SLC24A4: variants seen among roughly 807,000 people sequenced by gnomAD.
The protein encoded by SLC24A4 is solute carrier family 24 member 4, also known as sodium/potassium/calcium exchanger 4.
A neutral mutation model predicts 79.0 loss-of-function variants in SLC24A4; 53 were observed. The ratio of observed to expected loss-of-function variants is 0.67; its 90% confidence interval spans 0.54 to 0.84. The LOEUF is 0.84. SLC24A4 is among the 40% of genes least tolerant of loss of function. SLC24A4 has a pLI of 0.00. For missense variants in SLC24A4, 731 were observed against 822.0 expected (o/e 0.89, Z 1.35); for synonymous variants, 323 against 323.8 (o/e 1.00, Z 0.03).
At chr14:92,348,664 T>TC (rs1186378501) in intron 2 of SLC24A4, among the ~76,000 whole-genome samples, 1 of 152,150 alleles carries the variant, frequency 6.6e-6, no homozygotes, top group Non-Finnish European at 1.5e-5. Context: ...ATTTTTTTTT[T>TC]CTAAGATTCA....
chr14:92,461,589 CTCT>C (rs1764076934), intron 12 of SLC24A4, among the ~76,000 whole-genome samples: 1 of 152,068 alleles, frequency 6.6e-6, no homozygotes, highest in South Asian at 2.1e-4. Flanking sequence ...CTTTCTCTTC[CTCT>C]TCTTCTGAGG....
chr14:92,374,240 G>A (rs1888371316), intron 2 of SLC24A4, among the ~76,000 whole-genome samples: 1 of 152,174 alleles, frequency 6.6e-6, no homozygotes, highest in Non-Finnish European at 1.5e-5. Context: ...TCCTGAGGTA[G>A]GCCCCCATGG....
rs993239406 is a variant in SLC24A4, at chr14:92,499,269, A to G, written c.*5641A>G. ...CCTGCTTCTAAACAGGGCTGACAGT[A>G]TACTCTCGTCTAGTCTAGGAACATG... On this transcript the variant is annotated 3_prime_UTR_variant, in exon 17 of 17. Coordinates refer to ENST00000532405, the MANE Select transcript of SLC24A4 (RefSeq NM_153646.4). The G allele has an allele frequency of 1.3e-5, 2 of 152,208 alleles. No individual in the cohort carries two copies. Among genetic ancestry groups the G allele is most frequent in the Non-Finnish European group, 2.9e-5 (2 of 68,054 alleles). 9.4% of individuals were successfully genotyped at this position (152,208 alleles called of 1,614,324 possible).
In SLC24A4 at chr14:92,342,157, G is replaced by A. The variant is rs572497657; in HGVS notation, c.241+16179G>A. Among the ~76,000 whole-genome samples, 39 of 152,082 alleles carry A rather than the reference G, an allele frequency of 2.6e-4. No homozygotes were observed. The South Asian group carries it at 7.5e-3, about 29-fold the overall frequency. ...CGAGAATCACACAATGAAGTCAGAG[G>A]GGTCTCAGAAGGGATCCAAGAGATC... On this transcript the variant is annotated intron_variant, in intron 2 of 16. Transcript: ENST00000532405.
Position 92,472,338 on chromosome 14 carries a change from G to C in SLC24A4, c.1256-10342G>C, listed in dbSNP as rs543027407. 7.2e-5 allele frequency among the ~76,000 whole-genome samples: 11 copies of C among 152,014 alleles called. No homozygotes were observed. The East Asian group carries it at 1.9e-3, about 27-fold the overall frequency. ...TTTAGTGGTGATTTGTGAGATTTTCGTGCACGCATCACCCAAGCAGTACAT... is the reference window on the plus strand; with the variant it reads ...TTTAGTGGTGATTTGTGAGATTTTCCTGCACGCATCACCCAAGCAGTACAT... On this transcript the variant is annotated intron_variant, in intron 12 of 16. Coordinates refer to ENST00000532405, the MANE Select transcript of SLC24A4 (RefSeq NM_153646.4).
rs1203130535 is a variant in SLC24A4 at position 92,491,769 on chromosome 14, G to C, written c.1642G>C (p.Gly548Arg). ...CCTGCAGACCATGGTTGTTAATTAT[G>C]GATCAACAGTAAGTTCCTCTCACCT... ...WGLQTMVVNY[G>R]STVKINSRGL... is the part of the protein sequence containing the mutation. Residue 548 changes from glycine to arginine, a missense_variant, in exon 15 of 17, where the codon GGA (glycine) becomes CGA (arginine). Physicochemically the swap from Gly to Arg is moderately radical, Grantham distance 125. Transcript: ENST00000532405. 1 of 1,610,680 alleles carries C rather than the reference G, an allele frequency of 6.2e-7. No individual in the cohort carries two copies. The highest frequency in any genetic ancestry group is 1.1e-5 in the South Asian group (1 of 91,010).
chr14:92,399,342 A>G (rs948928795), intron 2 of SLC24A4, among the ~76,000 whole-genome samples: 7 of 152,180 alleles, frequency 4.6e-5, no homozygotes, highest in Non-Finnish European at 8.8e-5. Context: ...ATGCATGGAA[A>G]CAGTTCAGAT....
intron 2 of SLC24A4, among the ~76,000 whole-genome samples, chr14:92,406,279 G>T (rs1195443768): frequency 2.0e-5 from 3 of 152,232 alleles, no homozygotes. Flanking sequence ...AGCCCCTGTG[G>T]CAGTTTTCAC....
chr14:92,478,008 C>T (rs935029276), intron 12 of SLC24A4, among the ~76,000 whole-genome samples: 3 of 150,660 alleles, frequency 2.0e-5, no homozygotes, highest in African/African-American at 7.3e-5. Context: ...GGTTTCACCA[C>T]GTTGGCCAGG....
intron 12 of SLC24A4, among the ~76,000 whole-genome samples, chr14:92,465,309 A>G (rs1271931483): frequency 6.6e-6 from 1 of 152,210 alleles, no homozygotes; most frequent in East Asian, 1.9e-4. Context: ...CTAGTGCCAC[A>G]CCATCAAGAG....
intron 2 of SLC24A4, among the ~76,000 whole-genome samples, chr14:92,419,539 G>T (rs112250690): frequency 9.3e-4 from 141 of 152,344 alleles, no homozygotes; most frequent in African/African-American, 3.2e-3. Flanking sequence ...TGGCTAATTG[G>T]TGTTCATTTT....
chr14:92,419,313 C>T (rs114844163), intron 2 of SLC24A4, among the ~76,000 whole-genome samples: 3,055 of 152,252 alleles, frequency 0.02, 97 homozygotes, highest in African/African-American at 0.069. Flanking sequence ...CAGTTAGTGG[C>T]AAGCAGCAAC....
chr14:92,455,955 C>A (rs922123351), intron 11 of SLC24A4, among the ~76,000 whole-genome samples: 3 of 152,216 alleles, frequency 2.0e-5, no homozygotes, highest in African/African-American at 7.2e-5. Flanking sequence ...CCCACCTCGG[C>A]CTCCCAAAGT....
intron 2 of SLC24A4, among the ~76,000 whole-genome samples, chr14:92,337,155 G>A (rs912804860): frequency 2.0e-5 from 3 of 152,082 alleles, no homozygotes; most frequent in African/African-American, 7.2e-5. Context: ...AGCTACCTGT[G>A]CTGGCCCAGG....
rs747613285 is a variant in SLC24A4, at chr14:92,413,676, G to GTC, written c.242-20236_242-20235insTC. On this transcript the variant is annotated intron_variant, in intron 2 of 16. Coordinates refer to ENST00000532405, the MANE Select transcript of SLC24A4 (RefSeq NM_153646.4). ...CCACACGCTCAGTGCTTGTTGGAAA[G>GTC]ATTGAAAGTCAAAATCTGGGCTGGG... Among the ~76,000 whole-genome samples the GTC allele has an allele frequency of 2.4e-4, 37 of 152,322 alleles. No homozygotes were observed. The East Asian group carries it at 3.9e-3, about 16-fold the overall frequency.
intron 1 of SLC24A4, among the ~76,000 whole-genome samples, chr14:92,324,631 A>G (rs531868414): frequency 6.6e-6 from 1 of 152,306 alleles, no homozygotes; most frequent in South Asian, 2.1e-4. Flanking sequence ...GAACTAACCA[A>G]AGAAGTGTGT....
In SLC24A4 at chr14:92,332,555, A is replaced by G. The variant is rs763578765; in HGVS notation, c.241+6577A>G. Among the ~76,000 whole-genome samples, 17 of 152,300 alleles carry G rather than the reference A, an allele frequency of 1.1e-4. No individual in the cohort carries two copies. In the East Asian group the frequency reaches 2.7e-3, roughly 24 times the overall value. On this transcript the variant is annotated intron_variant, in intron 2 of 16. Coordinates refer to ENST00000532405, the MANE Select transcript of SLC24A4 (RefSeq NM_153646.4). ...TGGGGAGCACTTGAGATCCTGAGCA[A>G]CAGAGTGAGATCCTGTCTAAAAGTT...
chr14:92,445,485 T>C, intron 8 of SLC24A4, 143 bp downstream of exon 8: 1 of 926,928 alleles, frequency 1.1e-6, no homozygotes, highest in Admixed American at 2.6e-5. Flanking sequence ...AAAGATATTC[T>C]AAGCAGTCAT....
intron 12 of SLC24A4, among the ~76,000 whole-genome samples, chr14:92,470,513 C>T (rs1178246107): frequency 6.6e-6 from 1 of 152,170 alleles, no homozygotes; most frequent in Non-Finnish European, 1.5e-5. Context: ...TGTTTTGTTA[C>T]AGTTCATTTT....
Sources: allele counts gnomAD v4.1 joint callset (sites outside exome capture counted in the v4.1 genomes callset), GRCh38; gene constraint gnomAD v4.1.1; transcripts MANE v1.5; gene names NCBI Gene and HGNC (gene_info 2026-07-23, HGNC 2026-07-21).